ADAM23: variants seen among roughly 807,000 people sequenced by gnomAD.
ADAM23 encodes the protein ADAM metallopeptidase domain 23.
Under a neutral mutation model 120.1 loss-of-function variants are expected in ADAM23, and 33 were observed. The ratio of observed to expected loss-of-function variants is 0.27; its 90% CI spans 0.21 to 0.37. The LOEUF (loss-of-function observed/expected upper bound fraction) is 0.37. Ranked by LOEUF, ADAM23 falls within the 10% of genes least tolerant of loss-of-function variation. The pLI is 1.00. For synonymous variants in ADAM23, 367 were observed against 375.2 expected (o/e 0.98, Z 0.25); for missense variants, 862 against 1,058.2 (o/e 0.81, Z 2.57).
chr2:206,540,985 A>T (rs1398795092), intron 4 of ADAM23, among the ~76,000 whole-genome samples: 2 of 148,040 alleles, frequency 1.4e-5, no homozygotes, highest in Non-Finnish European at 3.0e-5. Flanking sequence ...AATAATAAAA[A>T]TTTATTATTA....
At chr2:206,574,730 G>A (rs990565619) in intron 18 of ADAM23, among the ~76,000 whole-genome samples, 2 of 152,132 alleles carry the variant, frequency 1.3e-5, no homozygotes, top group African/African-American at 4.8e-5. Context: ...CACAGATGTA[G>A]CCCTGGCTTC....
chr2:206,464,341 G>A (rs1187355297), intron 2 of ADAM23, among the ~76,000 whole-genome samples: 1 of 152,100 alleles, frequency 6.6e-6, no homozygotes, highest in African/African-American at 2.4e-5. Flanking sequence ...TTGGGAGGGC[G>A]AGACGGGTGG....
intron 3 of ADAM23, among the ~76,000 whole-genome samples, chr2:206,509,428 G>A (rs1031154486): frequency 1.3e-5 from 2 of 151,842 alleles, no homozygotes; most frequent in African/African-American, 4.8e-5. Context: ...TTTTCAGGGG[G>A]AGATTATTTG....
At chr2:206,508,430 C>T (rs1019555101) in intron 3 of ADAM23, among the ~76,000 whole-genome samples, 3 of 151,408 alleles carry the variant, frequency 2.0e-5, no homozygotes, top group Non-Finnish European at 2.9e-5. Flanking sequence ...CAGAGGCGAG[C>T]GGATCACCTG....
At chr2:206,541,208 C>G (rs190744993) in intron 4 of ADAM23, among the ~76,000 whole-genome samples, 34 of 151,038 alleles carry the variant, frequency 2.3e-4, no homozygotes, top group African/African-American at 7.8e-4. Context: ...GTACCCAGTA[C>G]AACAAAGGAG....
At chr2:206,463,197 T>C (rs915775651) in intron 2 of ADAM23, among the ~76,000 whole-genome samples, 5 of 152,220 alleles carry the variant, frequency 3.3e-5, no homozygotes, top group African/African-American at 1.2e-4. Context: ...TTTGTAGATA[T>C]GACTAAATTG....
At chr2:206,487,265 C>A (rs1359164114) in intron 3 of ADAM23, among the ~76,000 whole-genome samples, 1 of 152,134 alleles carries the variant, frequency 6.6e-6, no homozygotes, top group Non-Finnish European at 1.5e-5. Context: ...CTGGTGAGAG[C>A]AGCTCAGGTC....
intron 24 of ADAM23, among the ~76,000 whole-genome samples, chr2:206,600,458 A>C (rs1475224938): frequency 6.6e-6 from 1 of 152,208 alleles, no homozygotes; most frequent in East Asian, 1.9e-4. Flanking sequence ...CAAGAAACAT[A>C]ATGAAAATAT....
intron 4 of ADAM23, among the ~76,000 whole-genome samples, chr2:206,538,766 T>C (rs868809031): frequency 6.6e-6 from 1 of 152,122 alleles, no homozygotes; most frequent in South Asian, 2.1e-4. Flanking sequence ...TTATTACTAT[T>C]ATTATTATTA....
chr2:206,596,473 C>T (rs1261861166), intron 24 of ADAM23, among the ~76,000 whole-genome samples: 2 of 152,084 alleles, frequency 1.3e-5, no homozygotes, highest in Non-Finnish European at 2.9e-5. Context: ...TTTTGCAGTT[C>T]GTCTAAGCTA....
chr2:206,497,326 TG>T (rs1282815207), intron 3 of ADAM23, among the ~76,000 whole-genome samples: 1 of 152,166 alleles, frequency 6.6e-6, no homozygotes, highest in East Asian at 1.9e-4. Context: ...GCTTCATCCA[TG>T]GGATGCAAGG....
rs149512204 is a variant in ADAM23, at chr2:206,493,803, G to C, written c.509+12495G>C. Among the ~76,000 whole-genome samples, 811 of 152,328 alleles carry C rather than the reference G, an allele frequency of 5.3e-3. 14 individuals are homozygous for C. The highest frequency in any genetic ancestry group is 0.019 in the African/African-American group (783 of 41,568). ...GTGGAAATCTCTAATACATTGTAGA[G>C]AGCACATTTCATTTCTTCCTCCTTT... On this transcript the variant is annotated intron_variant, in intron 3 of 25. Coordinates refer to ENST00000264377, the MANE Select transcript of ADAM23 (RefSeq NM_003812.4).
chr2:206,488,067 C>T (rs1021425936), intron 3 of ADAM23, among the ~76,000 whole-genome samples: 25 of 152,318 alleles, frequency 1.6e-4, no homozygotes, highest in Admixed American at 1.3e-3. Context: ...GTACTTTGCT[C>T]GTTAAAAGCA....
At chr2:206,582,003 A>T (rs1047220217) in intron 18 of ADAM23, among the ~76,000 whole-genome samples, 6 of 151,668 alleles carry the variant, frequency 4.0e-5, no homozygotes, top group Non-Finnish European at 1.5e-5. Flanking sequence ...TCAGCCTCCC[A>T]AGTAGCTGGG....
At chr2:206,534,964 C>CTT (rs201161053) in intron 4 of ADAM23, among the ~76,000 whole-genome samples, 3 of 144,940 alleles carry the variant, frequency 2.1e-5, no homozygotes, top group Admixed American at 6.8e-5. Flanking sequence ...CTTTTTTTTT[C>CTT]TTTTTTTTTT....
intron 2 of ADAM23, among the ~76,000 whole-genome samples, chr2:206,458,168 C>G (rs1482794035): frequency 1.5e-4 from 12 of 77,682 alleles, no homozygotes; most frequent in Non-Finnish European, 2.9e-4. Context: ...CAGCTGTTAC[C>G]AACTATCTGG....
At chr2:206,606,726 C>T (rs1308607101) in intron 24 of ADAM23, 22 of 152,160 alleles carry the variant, frequency 1.4e-4, no homozygotes, top group Admixed American at 1.2e-3. Context: ...CACATTGCTT[C>T]CTGAGATTGC....
At chr2:206,540,760 A>G (rs1450341950) in intron 4 of ADAM23, among the ~76,000 whole-genome samples, 3 of 152,202 alleles carry the variant, frequency 2.0e-5, no homozygotes, top group Admixed American at 6.5e-5. Flanking sequence ...GGTTGAAAGT[A>G]GATGTAGAGC....
intron 3 of ADAM23, among the ~76,000 whole-genome samples, chr2:206,483,819 G>A (rs1695946583): frequency 6.6e-6 from 1 of 151,982 alleles, no homozygotes; most frequent in African/African-American, 2.4e-5. Context: ...AAATGAGAGG[G>A]GACAGAAACC....
Sources: gnomAD v4.1 joint callset for allele counts (sites outside exome capture counted in the v4.1 genomes callset) on GRCh38, gnomAD v4.1.1 for gene constraint, MANE v1.5 for transcripts, NCBI Gene and HGNC (gene_info 2026-07-23, HGNC 2026-07-21) for gene names.